HDAC4: variants seen among roughly 807,000 people sequenced by gnomAD.
The protein encoded by HDAC4 is histone deacetylase 4.
In HDAC4, 16 loss-of-function variants were observed where a neutral mutation model predicts 135.1. The observed-to-expected ratio is 0.12, with a 90% CI of 0.08 to 0.18. HDAC4 has a LOEUF of 0.18. Ranked by LOEUF, HDAC4 falls within the 10% of genes least tolerant of loss-of-function variation. The pLI is 1.00. For missense variants in HDAC4, 1,143 were observed against 1,511.8 expected, an observed-to-expected ratio of 0.76 and a Z score of 4.05; for synonymous variants, 685 against 653.4, an observed-to-expected ratio of 1.05 and a Z score of -0.74.
chr2:239,068,765 C>G lies in HDAC4; in HGVS notation c.2751-158G>C. 4.2e-6 allele frequency: 3 copies of G among 717,610 alleles called. No homozygotes were observed. 44.5% of individuals were successfully genotyped at this position (717,610 alleles called of 1,614,324 possible). Reference sequence around the variant, plus strand: ...CACACAGCAGGCTGGAATCTGGCGACCACGCTTAATTAGAAGGGAATCAAC... The same window carrying G: ...CACACAGCAGGCTGGAATCTGGCGAGCACGCTTAATTAGAAGGGAATCAAC... On this transcript the variant is annotated intron_variant, in intron 22 of 26. Transcript: ENST00000543185. The surrounding 1 kb of genome is among the most constrained non-coding windows in gnomAD (Gnocchi z 4.4).
chr2:239,060,467 A>G (rs567588057), intron 24 of HDAC4, among the ~76,000 whole-genome samples: 1 of 152,346 alleles, frequency 6.6e-6, no homozygotes, highest in South Asian at 2.1e-4. Context: ...CAAGGAGGGA[A>G]AGCCCAGGTG....
chr2:239,225,199 T>C (rs915560891), intron 3 of HDAC4, among the ~76,000 whole-genome samples: 1 of 152,256 alleles, frequency 6.6e-6, no homozygotes, highest in Non-Finnish European at 1.5e-5. Context: ...GAAGTGTTAA[T>C]GTAATATGCT....
At chr2:239,229,777 G>A (rs183436488) in intron 3 of HDAC4, among the ~76,000 whole-genome samples, 190 of 152,202 alleles carry the variant, frequency 1.2e-3, no homozygotes, top group African/African-American at 4.5e-3. Flanking sequence ...GGAGATTCTC[G>A]TTATGTGGAT....
At chr2:239,086,804 T>C (rs1279736825) in intron 19 of HDAC4, among the ~76,000 whole-genome samples, 1 of 152,196 alleles carries the variant, frequency 6.6e-6, no homozygotes, top group African/African-American at 2.4e-5. Flanking sequence ...CACCTCCTCC[T>C]CACCGAAGCT....
intron 2 of HDAC4, among the ~76,000 whole-genome samples, chr2:239,340,627 A>G (rs554825191): frequency 6.6e-6 from 1 of 152,296 alleles, no homozygotes; most frequent in African/African-American, 2.4e-5. Context: ...GACACACACC[A>G]TCTCTCAAAA....
chr2:239,125,718 G>T (rs180672532), intron 12 of HDAC4, among the ~76,000 whole-genome samples: 4 of 152,346 alleles, frequency 2.6e-5, no homozygotes, highest in African/African-American at 7.2e-5. Flanking sequence ...TGATCAACAC[G>T]TAATCAGCAT....
At chr2:239,123,068 T>C (rs2039831526) in intron 12 of HDAC4, among the ~76,000 whole-genome samples, 1 of 152,160 alleles carries the variant, frequency 6.6e-6, no homozygotes, top group Non-Finnish European at 1.5e-5. Context: ...CTCCCGTAAA[T>C]CAATCAGAGA....
chr2:239,118,056 G>A (rs2039302372), intron 12 of HDAC4, among the ~76,000 whole-genome samples: 1 of 152,164 alleles, frequency 6.6e-6, no homozygotes. Flanking sequence ...GGGGTCAGCC[G>A]TATCAGACGA....
chr2:239,117,565 C>CA (rs34154007), intron 12 of HDAC4, among the ~76,000 whole-genome samples: 2,781 of 116,026 alleles, frequency 0.024, 47 homozygotes, highest in Non-Finnish European at 0.039. Context: ...CGGGAAGTGG[C>CA]AAAAAAAAAA....
intron 1 of HDAC4, among the ~76,000 whole-genome samples, chr2:239,364,243 G>A (rs1007037184): frequency 6.6e-6 from 1 of 152,196 alleles, no homozygotes; most frequent in Non-Finnish European, 1.5e-5. Flanking sequence ...AGACACGGCA[G>A]CATTATCTGT....
intron 8 of HDAC4, 26 bp downstream of exon 8, chr2:239,144,557 C>T (rs762174155): frequency 1.4e-5 from 22 of 1,612,516 alleles, no homozygotes; most frequent in African/African-American, 5.3e-5. Flanking sequence ...GGCAGCGGGG[C>T]GGGTGTACCT....
At chr2:239,143,729 C>A (rs80196560) in intron 8 of HDAC4, among the ~76,000 whole-genome samples, 53 of 152,344 alleles carry the variant, frequency 3.5e-4, no homozygotes, top group African/African-American at 1.3e-3. Flanking sequence ...CTCGCACACA[C>A]GGGGCATGGC....
At chr2:239,260,786 C>G (rs1045917231) in intron 2 of HDAC4, among the ~76,000 whole-genome samples, 2 of 152,244 alleles carry the variant, frequency 1.3e-5, no homozygotes, top group Non-Finnish European at 2.9e-5. Flanking sequence ...CGCTGCCTCT[C>G]TTTCCCATGG....
intron 2 of HDAC4, among the ~76,000 whole-genome samples, chr2:239,324,682 C>T (rs752039296): frequency 5.9e-5 from 9 of 152,186 alleles, no homozygotes; most frequent in African/African-American, 1.2e-4. Flanking sequence ...TGGGAACCCA[C>T]GCTGCAGAAA....
chr2:239,139,600 A>T lies in HDAC4; in HGVS notation c.978+84T>A. On this transcript the variant is annotated intron_variant, in intron 9 of 26. Transcript: ENST00000543185. The surrounding 1 kb of genome is among the most constrained non-coding windows in gnomAD (Gnocchi z 5.3). ...AATTGGAAGGTGAAGAGTGAAGGGC[A>T]AGTGCAAAGTGGGGTCATTTCAAGC... 1 of 1,210,488 alleles carries T rather than the reference A, an allele frequency of 8.3e-7. No homozygotes were observed. Among genetic ancestry groups the T allele is most frequent in the Non-Finnish European group, 1.2e-6 (1 of 812,434 alleles). The allele number at this position is 1,210,488 out of a possible 1,614,324, so 75.0% of individuals were successfully genotyped here.
intron 5 of HDAC4, among the ~76,000 whole-genome samples, chr2:239,165,669 G>A (rs151179858): frequency 2.6e-4 from 40 of 152,346 alleles, no homozygotes; most frequent in African/African-American, 9.6e-4. Context: ...GTGCGCCTCA[G>A]GTGAGGTTGG....
At chr2:239,368,903 G>A (rs1575761560) in intron 1 of HDAC4, among the ~76,000 whole-genome samples, 1 of 152,304 alleles carries the variant, frequency 6.6e-6, no homozygotes, top group East Asian at 1.9e-4. Context: ...AGGCTGCCCT[G>A]CAGATGGGAA....
intron 2 of HDAC4, among the ~76,000 whole-genome samples, chr2:239,243,555 T>C (rs1255682636): frequency 6.6e-6 from 1 of 152,182 alleles, no homozygotes; most frequent in Admixed American, 6.5e-5. Flanking sequence ...CACCTCACTG[T>C]GCACACCCCA....
intron 17 of HDAC4, among the ~76,000 whole-genome samples, chr2:239,093,063 G>C (rs958835837): frequency 6.6e-6 from 1 of 152,166 alleles, no homozygotes; most frequent in African/African-American, 2.4e-5. Flanking sequence ...GGAGCCGGGC[G>C]TACGAGAGCA....
Sources: allele counts gnomAD v4.1 joint callset (sites outside exome capture counted in the v4.1 genomes callset), GRCh38; gene constraint gnomAD v4.1.1; non-coding constraint Gnocchi (gnomAD v3.1); transcripts MANE v1.5; gene names NCBI Gene and HGNC (gene_info 2026-07-23, HGNC 2026-07-21).